Variants in DCC observed in about 807,000 individuals in gnomAD.
DCC encodes the protein netrin receptor DCC.
DCC carries 58 observed loss-of-function variants against 172.5 expected under a neutral mutation model. The ratio of observed to expected loss-of-function variants is 0.34; its 90% CI spans 0.27 to 0.42. The LOEUF is 0.42. DCC is among the 10% of genes least tolerant of loss of function. The probability of loss-of-function intolerance (pLI) is 1.00; values close to 1 mark genes in which losing one functional copy is unlikely to be tolerated. For missense variants in DCC, 1,740 were observed against 1,791.0 expected (o/e 0.97, Z 0.51); for synonymous variants, 709 against 644.5 (o/e 1.10, Z -1.52).
chr18:52,535,798 C>CAGTGGGAAA, intron 1 of DCC, among the ~76,000 whole-genome samples: 1 of 152,246 alleles, frequency 6.6e-6, no homozygotes, highest in Non-Finnish European at 1.5e-5. Flanking sequence ...ATTTGCTTAG[C>CAGTGGGAAA]ACTCATTAAG....
At chr18:52,743,147 T>C (rs1321850324) in intron 1 of DCC, among the ~76,000 whole-genome samples, 4 of 152,178 alleles carry the variant, frequency 2.6e-5, no homozygotes, top group African/African-American at 9.6e-5. Context: ...TTGGCTGCCA[T>C]CAAAATGGAG....
At chr18:52,560,434 T>A (rs1215091509) in intron 1 of DCC, among the ~76,000 whole-genome samples, 2 of 152,250 alleles carry the variant, frequency 1.3e-5, no homozygotes, top group Non-Finnish European at 2.9e-5. Flanking sequence ...GGGGCCATAG[T>A]GTGCTGCTCT....
intron 12 of DCC, among the ~76,000 whole-genome samples, chr18:53,297,954 T>C (rs1220107532): frequency 6.6e-6 from 1 of 152,196 alleles, no homozygotes; most frequent in East Asian, 1.9e-4. Context: ...CTTCCAAAGA[T>C]GAATAATAAC....
intron 1 of DCC, among the ~76,000 whole-genome samples, chr18:52,642,755 C>T (rs1049163887): frequency 6.6e-6 from 1 of 152,130 alleles, no homozygotes; most frequent in Admixed American, 6.5e-5. Context: ...CCTTAATCTC[C>T]TGGGTTGAGG....
intron 25 of DCC, among the ~76,000 whole-genome samples, chr18:53,468,763 C>G (rs952865833): frequency 2.6e-5 from 4 of 152,166 alleles, no homozygotes; most frequent in African/African-American, 7.2e-5. Flanking sequence ...CAGATGTTGA[C>G]AGACACCCAC....
chr18:53,156,197 C>T (rs978354280), intron 7 of DCC, among the ~76,000 whole-genome samples: 1 of 152,040 alleles, frequency 6.6e-6, no homozygotes, highest in South Asian at 2.1e-4. Context: ...TAAAGAATCA[C>T]CTTGGGGCCA....
chr18:53,279,917 C>T lies in DCC; in HGVS notation c.1912-25661C>T, dbSNP rs141383817. Among the ~76,000 whole-genome samples, 525 of 151,946 alleles carry T rather than the reference C, an allele frequency of 3.5e-3. 4 individuals carry two copies. In the Middle Eastern group the frequency reaches 0.041, roughly 12 times the overall value. On this transcript the variant is annotated intron_variant, in intron 12 of 28. Coordinates refer to ENST00000442544, the MANE Select transcript of DCC (RefSeq NM_005215.4). Reference sequence around the variant, plus strand: ...CACATAGACACAAAGACTAGAACAACGGACACTGGGGTCTACTTAAGGGTG... The same window carrying T: ...CACATAGACACAAAGACTAGAACAATGGACACTGGGGTCTACTTAAGGGTG...
chr18:53,088,006 C>A (rs937047023), intron 7 of DCC, among the ~76,000 whole-genome samples: 4 of 152,064 alleles, frequency 2.6e-5, no homozygotes, highest in African/African-American at 9.7e-5. Context: ...GTTACTGTAG[C>A]CTTGTAGTAT....
chr18:52,386,255 C>T (rs933745366), intron 1 of DCC, among the ~76,000 whole-genome samples: 1 of 152,026 alleles, frequency 6.6e-6, no homozygotes, highest in African/African-American at 2.4e-5. Flanking sequence ...TACCAAACAA[C>T]AGTGATTGGG....
intron 12 of DCC, among the ~76,000 whole-genome samples, chr18:53,246,787 A>G (rs1261000637): frequency 1.3e-5 from 2 of 152,086 alleles, no homozygotes; most frequent in Non-Finnish European, 2.9e-5. Flanking sequence ...TAGTAGTAGA[A>G]TAGCCGAATT....
chr18:53,355,756 C>T (rs1260517824), intron 15 of DCC, among the ~76,000 whole-genome samples: 1 of 152,080 alleles, frequency 6.6e-6, no homozygotes, highest in Non-Finnish European at 1.5e-5. Context: ...ATTGAATACC[C>T]TTTATTTCTT....
intron 12 of DCC, among the ~76,000 whole-genome samples, chr18:53,280,482 T>C (rs1437941486): frequency 6.6e-6 from 1 of 152,148 alleles, no homozygotes; most frequent in Non-Finnish European, 1.5e-5. Flanking sequence ...CTACCTGATT[T>C]AAATTTCTTT....
At chr18:53,125,062 T>C (rs1014162283) in intron 7 of DCC, among the ~76,000 whole-genome samples, 10 of 152,020 alleles carry the variant, frequency 6.6e-5, no homozygotes, top group Admixed American at 1.3e-4. Context: ...TTTTAATATA[T>C]CTTGTAACTT....
At chr18:53,423,907 T>C (rs1345635690) in intron 21 of DCC, among the ~76,000 whole-genome samples, 2 of 152,194 alleles carry the variant, frequency 1.3e-5, no homozygotes, top group Non-Finnish European at 2.9e-5. Flanking sequence ...TCTGGAAAGA[T>C]AAGTTTTACC....
intron 1 of DCC, among the ~76,000 whole-genome samples, chr18:52,383,578 C>G (rs1044932990): frequency 6.6e-6 from 1 of 151,910 alleles, no homozygotes; most frequent in African/African-American, 2.4e-5. Context: ...AAACTTTCAT[C>G]TTTTATGGCT....
At chr18:52,708,925 T>C (rs16955412) in intron 1 of DCC, among the ~76,000 whole-genome samples, 1,911 of 152,312 alleles carry the variant, frequency 0.013, 48 homozygotes, top group African/African-American at 0.044. Flanking sequence ...CTGCATAGCT[T>C]AGTACCAAAG....
Position 53,530,907 on chromosome 18 carries a change from G to A in DCC, c.*254G>A, listed in dbSNP as rs2046518829. The A allele has an allele frequency of 3.5e-6, 2 of 575,246 alleles. No individual in the cohort carries two copies. The highest frequency in any genetic ancestry group is 1.9e-5 in the African/African-American group (1 of 53,682). The allele number at this position is 575,246 out of a possible 1,614,324, so 35.6% of individuals were successfully genotyped here. ...GATGCATTTTCACTGCAATGTCAAA[G>A]TTTAAGCTGCTAGAATAGTCATGGG... On this transcript the variant is annotated 3_prime_UTR_variant, in exon 29 of 29. Transcript: ENST00000442544.
At chr18:52,875,081 T>A (rs867258605) in intron 2 of DCC, among the ~76,000 whole-genome samples, 1 of 152,114 alleles carries the variant, frequency 6.6e-6, no homozygotes, top group Non-Finnish European at 1.5e-5. Context: ...ATTGGTTGAT[T>A]TGTACATCAA....
intron 2 of DCC, among the ~76,000 whole-genome samples, chr18:52,842,758 A>G (rs954307593): frequency 1.3e-5 from 2 of 152,222 alleles, no homozygotes; most frequent in Non-Finnish European, 2.9e-5. Flanking sequence ...CCATTGAAAT[A>G]GAGTGGTCCC....
Sources: gnomAD v4.1 joint callset for allele counts (sites outside exome capture counted in the v4.1 genomes callset) on GRCh38, gnomAD v4.1.1 for gene constraint, MANE v1.5 for transcripts, NCBI Gene and HGNC (gene_info 2026-07-23, HGNC 2026-07-21) for gene names.